The following NFIB variants were observed in gnomAD, a reference collection of about 807,000 sequenced individuals.
NFIB encodes the protein nuclear factor 1 B-type.
NFIB carries 11 observed loss-of-function variants against 61.5 expected under a neutral mutation model. The ratio of observed to expected loss-of-function variants is 0.18; its 90% CI spans 0.11 to 0.30. NFIB has a LOEUF of 0.30. Ranked by LOEUF, NFIB falls within the 10% of genes least tolerant of loss-of-function variation. The pLI, the probability that NFIB is intolerant of heterozygous loss-of-function variation, is 1.00. For missense variants in NFIB, 471 were observed against 608.9 expected (o/e 0.77, Z 2.38); for synonymous variants, 260 against 216.5 (o/e 1.20, Z -1.76).
chr9:14,378,914 A>G (rs911670820), intron 1 of NFIB, among the ~76,000 whole-genome samples: 4 of 152,120 alleles, frequency 2.6e-5, no homozygotes, highest in South Asian at 2.1e-4. Flanking sequence ...CTTGGTTTTG[A>G]TGTGAAAAAT....
the NFIB span, among the ~76,000 whole-genome samples, chr9:14,450,536 C>T: frequency 6.6e-6 from 1 of 152,170 alleles, no homozygotes. Flanking sequence ...TTGAAAACCT[C>T]CCCACTCTGT....
At chr9:14,463,468 A>C in the NFIB span, among the ~76,000 whole-genome samples, 1 of 151,940 alleles carries the variant, frequency 6.6e-6, no homozygotes, top group South Asian at 2.1e-4. Context: ...TCCTAGGAAA[A>C]AAAAGCCGTT....
At chr9:14,453,593 G>A in the NFIB span, among the ~76,000 whole-genome samples, 1 of 152,230 alleles carries the variant, frequency 6.6e-6, no homozygotes, top group East Asian at 1.9e-4. Context: ...TAAGAACACA[G>A]CATCATTATT....
intron 10 of NFIB, among the ~76,000 whole-genome samples, chr9:14,098,945 C>A (rs1412125732): frequency 1.3e-5 from 2 of 152,174 alleles, no homozygotes; most frequent in Non-Finnish European, 2.9e-5. Flanking sequence ...AATGCTTAAG[C>A]CTTGGGGTTG....
intron 2 of NFIB, among the ~76,000 whole-genome samples, chr9:14,187,027 ATGTGTG>A (rs71491637): frequency 0.042 from 2,546 of 60,844 alleles, 63 homozygotes; most frequent in African/African-American, 0.086. Context: ...GTGTGTGTGT[ATGTGTG>A]TGTGTGTGTG....
intron 1 of NFIB, among the ~76,000 whole-genome samples, chr9:14,389,935 C>A (rs1384356495): frequency 6.6e-6 from 1 of 152,172 alleles, no homozygotes; most frequent in Non-Finnish European, 1.5e-5. Context: ...CATATGATTT[C>A]CATTAGATTT....
At chr9:14,449,384 C>T in the NFIB span, among the ~76,000 whole-genome samples, 2 of 152,116 alleles carry the variant, frequency 1.3e-5, no homozygotes, top group Non-Finnish European at 1.5e-5. Flanking sequence ...TAAGATGGAA[C>T]CTGGGCTTCA....
intron 1 of NFIB, among the ~76,000 whole-genome samples, chr9:14,367,929 G>T (rs1403467293): frequency 6.6e-6 from 1 of 152,146 alleles, no homozygotes; most frequent in East Asian, 1.9e-4. Context: ...ACCTAATGTA[G>T]ATGACAGGTT....
At chr9:14,502,398 G>A in the NFIB span, among the ~76,000 whole-genome samples, 1 of 152,176 alleles carries the variant, frequency 6.6e-6, no homozygotes, top group Non-Finnish European at 1.5e-5. Flanking sequence ...AATATCTACT[G>A]ATGCCTGAAA....
the NFIB span, among the ~76,000 whole-genome samples, chr9:14,454,216 T>G: frequency 2.0e-5 from 3 of 152,226 alleles, no homozygotes; most frequent in Non-Finnish European, 4.4e-5. Flanking sequence ...AGTACAATTG[T>G]CAATACAATA....
chr9:14,265,776 G>A (rs2057148470), intron 2 of NFIB, among the ~76,000 whole-genome samples: 1 of 152,176 alleles, frequency 6.6e-6, no homozygotes, highest in South Asian at 2.1e-4. Flanking sequence ...ACATGCTAGA[G>A]ACACATTTTT....
chr9:14,380,554 T>C (rs1588397147), intron 1 of NFIB, among the ~76,000 whole-genome samples: 1 of 152,184 alleles, frequency 6.6e-6, no homozygotes, highest in Non-Finnish European at 1.5e-5. Flanking sequence ...TGAGTATACA[T>C]GGGAAATGAT....
chr9:14,432,982 A>G, the NFIB span, among the ~76,000 whole-genome samples: 7 of 152,190 alleles, frequency 4.6e-5, no homozygotes, highest in Admixed American at 3.9e-4. Flanking sequence ...ATTTGAAAAT[A>G]TTTTTAGTAT....
intron 2 of NFIB, among the ~76,000 whole-genome samples, chr9:14,238,577 C>T (rs367581370): frequency 2.1e-4 from 32 of 152,252 alleles, no homozygotes; most frequent in East Asian, 1.7e-3. Flanking sequence ...AGAACAGCAT[C>T]GAGTACCTAA....
At chr9:14,375,914 T>C (rs936571514) in intron 1 of NFIB, among the ~76,000 whole-genome samples, 3 of 152,378 alleles carry the variant, frequency 2.0e-5, no homozygotes, top group African/African-American at 7.2e-5. Context: ...GCTTATTCAC[T>C]GCTTCCGTTT....
chr9:14,306,230 T>C (rs1211388634), intron 2 of NFIB, among the ~76,000 whole-genome samples: 3 of 152,196 alleles, frequency 2.0e-5, no homozygotes, highest in African/African-American at 7.2e-5. Context: ...TTCTGTTTTT[T>C]GTTCTGTAAG....
At chr9:14,105,519 A>T (rs1017500556) in intron 10 of NFIB, among the ~76,000 whole-genome samples, 1 of 152,122 alleles carries the variant, frequency 6.6e-6, no homozygotes, top group Non-Finnish European at 1.5e-5. Flanking sequence ...CTCTCTCTTC[A>T]TGTTGGTTTT....
chr9:14,282,263 T>C (rs914272000), intron 2 of NFIB, among the ~76,000 whole-genome samples: 1 of 152,212 alleles, frequency 6.6e-6, no homozygotes, highest in Non-Finnish European at 1.5e-5. Context: ...CATTCATTTC[T>C]TTTTGTAAAA....
chr9:14,150,335 C>A (rs1355501648), intron 4 of NFIB, 70 bp from the exon 5 acceptor site: 7 of 1,601,038 alleles, frequency 4.4e-6, no homozygotes, highest in South Asian at 1.1e-5. Flanking sequence ...ATGTAATAAT[C>A]GAGAATCTTT....
Sources: gnomAD v4.1 joint callset for allele counts (sites outside exome capture counted in the v4.1 genomes callset) on GRCh38, gnomAD v4.1.1 for gene constraint, MANE v1.5 for transcripts, NCBI Gene and HGNC (gene_info 2026-07-23, HGNC 2026-07-21) for gene names.